RCCD1: variants seen among roughly 807,000 people sequenced by gnomAD.
RCCD1 encodes RCC1 domain-containing protein 1.
In RCCD1, 40 loss-of-function variants were observed where a neutral mutation model predicts 37.6. The observed-to-expected ratio is 1.06, with a 90% CI of 0.83 to 1.39. The LOEUF is 1.39. RCCD1 is among the 40% of genes most tolerant of loss of function. The pLI is 0.00. For synonymous variants in RCCD1, 263 were observed against 230.0 expected (o/e 1.14, Z -1.30); for missense variants, 577 against 517.3 (o/e 1.12, Z -1.12).
In RCCD1 at chr15:90,956,689, G is replaced by A. The variant is rs2037200172; in HGVS notation, c.-46G>A. 8.0e-7 allele frequency: 1 copy of A among 1,252,832 alleles called. No individual in the cohort carries two copies. Among genetic ancestry groups the A allele is most frequent in the Non-Finnish European group, 1.0e-6 (1 of 998,328 alleles). The allele number at this position is 1,252,832 out of a possible 1,614,324, so 77.6% of individuals were successfully genotyped here. ...CGGGCTCTTCGCAAGAATCCCCCCGGGCCCGCCGCAGCCAGGCGGCGGCCG... is the reference window on the plus strand; with the variant it reads ...CGGGCTCTTCGCAAGAATCCCCCCGAGCCCGCCGCAGCCAGGCGGCGGCCG... On this transcript the variant is annotated 5_prime_UTR_variant, in exon 2 of 8. Transcript: ENST00000394258.
chr15:90,957,957 C>T (rs1025152568), intron 4 of RCCD1, among the ~76,000 whole-genome samples: 2 of 152,250 alleles, frequency 1.3e-5, no homozygotes, highest in Non-Finnish European at 2.9e-5. Context: ...ACTGGTCTCA[C>T]TGCCCCTCCC....
intron 4 of RCCD1, 97 bp from the exon 5 acceptor site, chr15:90,959,803 T>G: frequency 2.1e-6 from 2 of 952,804 alleles, no homozygotes. Flanking sequence ...CAGGGCAGGC[T>G]TTAGTTGTCC....
chr15:90,958,470 A>T (rs2037246908), intron 4 of RCCD1, among the ~76,000 whole-genome samples: 1 of 152,100 alleles, frequency 6.6e-6, no homozygotes, highest in Non-Finnish European at 1.5e-5. Flanking sequence ...CTAAAAAAAA[A>T]TACAAAAATT....
chr15:90,957,593 C>A lies in RCCD1; in HGVS notation c.558-11C>A. On this transcript the variant is annotated splice_polypyrimidine_tract_variant and intron_variant, in intron 3 of 7. Coordinates refer to ENST00000394258, the MANE Select transcript of RCCD1 (RefSeq NM_001017919.2). ...ATGCGACTGTAGCTGACGACGGTCT[C>A]CCTTGCTCAGGCATGGACAGCTGGG... The A allele has an allele frequency of 1.2e-6, 2 of 1,614,020 alleles. No individual in the cohort carries two copies. Among genetic ancestry groups the A allele is most frequent in the Non-Finnish European group, 1.7e-6 (2 of 1,180,018 alleles).
Position 90,957,594 on chromosome 15 carries a change from C to A in RCCD1, c.558-10C>A. 6.2e-7 allele frequency: 1 copy of A among 1,614,008 alleles called. No homozygotes were observed. The highest frequency in any genetic ancestry group is 8.5e-7 in the Non-Finnish European group (1 of 1,180,016). On this transcript the variant is annotated splice_polypyrimidine_tract_variant and intron_variant, in intron 3 of 7. Transcript: ENST00000394258. ...TGCGACTGTAGCTGACGACGGTCTC[C>A]CTTGCTCAGGCATGGACAGCTGGGC...
Position 90,962,257 on chromosome 15 carries a change from T to C in RCCD1, c.*488T>C, listed in dbSNP as rs191934661. 1 of 154,184 alleles carries C rather than the reference T, an allele frequency of 6.5e-6. No homozygotes were observed. The highest frequency in any genetic ancestry group is 1.9e-4 in the East Asian group (1 of 5,204). The allele number at this position is 154,184 out of a possible 1,614,324, so 9.6% of individuals were successfully genotyped here. A position where few individuals can be genotyped will look rare whatever the true frequency, so the allele number is the denominator to read the frequency against. ...TTGTGTCGTTTTTGTCACTCAGCAT[T>C]GTATAATCCATCCTTGTTGGGTCCT... On this transcript the variant is annotated 3_prime_UTR_variant, in exon 8 of 8. Transcript: ENST00000394258.
In RCCD1 at chr15:90,960,454, C is replaced by G. The variant is rs61742976; in HGVS notation, c.905C>G (p.Ala302Gly). 5 of 1,612,702 alleles carry G rather than the reference C, an allele frequency of 3.1e-6. No homozygotes were observed. The Admixed American group carries it at 8.3e-5, about 27-fold the overall frequency. Reference sequence around the variant, plus strand: ...CTGGATCTCCCCATGGGCTCAGATGCAGTCAAGGCCAGCTGTGGATCCCGG... The same window carrying G: ...CTGGATCTCCCCATGGGCTCAGATGGAGTCAAGGCCAGCTGTGGATCCCGG... ...ALLDLPMGSDAVKASCGSRHT... is the reference protein window; with the variant it reads ...ALLDLPMGSDGVKASCGSRHT... The change falls in exon 6 of 8, where the codon GCA becomes GGA. Residue 302 changes from alanine to glycine, a missense_variant. Physicochemically the swap from Ala to Gly is moderately conservative, Grantham distance 60. Coordinates refer to ENST00000394258, the MANE Select transcript of RCCD1 (RefSeq NM_001017919.2).
rs777995502 is a variant in RCCD1, at chr15:90,957,254, C to T, written c.308C>T (p.Ser103Leu). 1.6e-5 allele frequency: 23 copies of T among 1,478,356 alleles called. No individual in the cohort carries two copies. In the African/African-American group the frequency reaches 3.0e-4, roughly 19 times the overall value. The allele number at this position is 1,478,356 out of a possible 1,614,324, so 91.6% of individuals were successfully genotyped here. A position where few individuals can be genotyped will look rare whatever the true frequency, so the allele number is the denominator to read the frequency against. Residue 103 changes from serine (S) to leucine (L), a missense_variant, in exon 3 of 8, where the codon TCG becomes TTG. Transcript: ENST00000394258. ...EALLQVWAAE[S>L]ALRGEPLWAQ... ...TTACTGCAGGTCTGGGCGGCCGAAT[C>T]GGCGCTGCGTGGGGAGCCATTGTGG...
Position 90,961,309 on chromosome 15 carries a change from C to CA in RCCD1, c.979+257dup, listed in dbSNP as rs1332712174. On this transcript the variant is annotated intron_variant, in intron 7 of 7. Coordinates refer to ENST00000394258, the MANE Select transcript of RCCD1 (RefSeq NM_001017919.2). ...TGAAAGACTGTCTTAAGGGAGTATCCAACCAGCACTTACAAAGCAGCTTTT... is the reference window on the plus strand; with the variant it reads ...TGAAAGACTGTCTTAAGGGAGTATCCAAACCAGCACTTACAAAGCAGCTTTT... The CA allele has an allele frequency of 5.1e-6, 3 of 586,626 alleles. No homozygotes were observed. In the Admixed American group the frequency reaches 9.2e-5, roughly 18 times the overall value. 36.3% of individuals were successfully genotyped at this position (586,626 alleles called of 1,614,324 possible). A position where few individuals can be genotyped will look rare whatever the true frequency, so the allele number is the denominator to read the frequency against.
In RCCD1 at chr15:90,957,591, C is replaced by T. The variant is rs770712004; in HGVS notation, c.558-13C>T. 1 of 1,614,008 alleles carries T rather than the reference C, an allele frequency of 6.2e-7. No homozygotes were observed. The highest frequency in any genetic ancestry group is 8.5e-7 in the Non-Finnish European group (1 of 1,180,012). ...TAATGCGACTGTAGCTGACGACGGT[C>T]TCCCTTGCTCAGGCATGGACAGCTG... On this transcript the variant is annotated splice_polypyrimidine_tract_variant and intron_variant, in intron 3 of 7. Coordinates refer to ENST00000394258, the MANE Select transcript of RCCD1 (RefSeq NM_001017919.2).
chr15:90,961,665 C>T lies in RCCD1; in HGVS notation c.1027C>T (p.Pro343Ser). 6.2e-7 allele frequency: 1 copy of T among 1,614,148 alleles called. No homozygotes were observed. Among genetic ancestry groups the T allele is most frequent in the Non-Finnish European group, 8.5e-7 (1 of 1,180,012 alleles). Residue 343 changes from proline (P) to serine (S), a missense_variant, in exon 8 of 8, where the codon CCT (proline) becomes TCT (serine). Pro to Ser is a moderately conservative substitution (Grantham distance 74, BLOSUM62 -1). Coordinates refer to ENST00000394258, the MANE Select transcript of RCCD1 (RefSeq NM_001017919.2). ...CGAGGACACCACCAGCTTGGATCGG[C>T]CTCGCCGTGTGGAATACTTTGTAGA... The part of the protein sequence containing the change: ...GHEDTTSLDR[P>S]RRVEYFVDKQ...
In RCCD1 at chr15:90,957,255, G is replaced by A. The variant is rs1003168491; in HGVS notation, c.309G>A (p.Ser103=). ...TACTGCAGGTCTGGGCGGCCGAATC[G>A]GCGCTGCGTGGGGAGCCATTGTGGG... ...EALLQVWAAE[S]ALRGEPLWAQ... Residue 103 remains serine (S), a synonymous_variant, in exon 3 of 8, where the codon TCG becomes TCA. Transcript: ENST00000394258. 1 of 1,479,032 alleles carries A rather than the reference G, an allele frequency of 6.8e-7. No homozygotes were observed. Among genetic ancestry groups the A allele is most frequent in the Non-Finnish European group, 9.0e-7 (1 of 1,111,346 alleles). 91.6% of individuals were successfully genotyped at this position (1,479,032 alleles called of 1,614,324 possible).
intron 1 of RCCD1, among the ~76,000 whole-genome samples, chr15:90,956,231 T>A (rs891893679): frequency 2.0e-5 from 3 of 152,020 alleles, no homozygotes; most frequent in African/African-American, 7.2e-5. Flanking sequence ...TGGTGGGACC[T>A]GATTTCAGCG....
At position 90,956,861 on chromosome 15, in the gene RCCD1, C is replaced by T. The variant is rs1401375118; in HGVS notation, c.127C>T (p.Arg43Cys). 3 of 1,291,156 alleles carry T rather than the reference C, an allele frequency of 2.3e-6. No individual in the cohort carries two copies. Among genetic ancestry groups the T allele is most frequent in the Middle Eastern group, 2.0e-4 (1 of 4,938 alleles). The allele number at this position is 1,291,156 out of a possible 1,614,324, so 80.0% of individuals were successfully genotyped here. A position where few individuals can be genotyped will look rare whatever the true frequency, so the allele number is the denominator to read the frequency against. Reference protein sequence around the residue: ...SPLRAGVDICRVSASWSYTAF... With the variant: ...SPLRAGVDICCVSASWSYTAF... The stretch of plus-strand genomic sequence containing the variant: ...GCTGCGGGCGGGCGTCGACATCTGC[C>T]GCGTGAGCGCGAGCTGGAGCTACAC... Residue 43 changes from arginine to cysteine, a missense_variant, in exon 2 of 8, where the codon CGC (arginine) becomes TGC (cysteine). Coordinates refer to ENST00000394258, the MANE Select transcript of RCCD1 (RefSeq NM_001017919.2).
intron 4 of RCCD1, 23 bp downstream of exon 4, chr15:90,957,748 A>G: frequency 6.3e-7 from 1 of 1,581,498 alleles, no homozygotes; most frequent in South Asian, 1.2e-5. Flanking sequence ...GTGCTTCTCC[A>G]GACGAGCTCA....
At position 90,957,594 on chromosome 15, in the gene RCCD1, C is replaced by T. The variant is rs190850866; in HGVS notation, c.558-10C>T. On this transcript the variant is annotated splice_polypyrimidine_tract_variant and intron_variant, in intron 3 of 7. Coordinates refer to ENST00000394258, the MANE Select transcript of RCCD1 (RefSeq NM_001017919.2). ...TGCGACTGTAGCTGACGACGGTCTC[C>T]CTTGCTCAGGCATGGACAGCTGGGC... 6 of 1,614,008 alleles carry T rather than the reference C, an allele frequency of 3.7e-6. No homozygotes were observed. In the East Asian group the frequency reaches 8.9e-5, roughly 24 times the overall value.
intron 1 of RCCD1, chr15:90,955,944 T>G (rs1344916665): frequency 6.6e-6 from 1 of 152,126 alleles, no homozygotes; most frequent in African/African-American, 2.4e-5. Flanking sequence ...CAGGGATAAT[T>G]TTTTTGTCAA....
chr15:90,960,126 C>T, intron 5 of RCCD1, 128 bp downstream of exon 5: 1 of 939,312 alleles, frequency 1.1e-6, no homozygotes, highest in Non-Finnish European at 1.6e-6. Context: ...TGGGAGGGAG[C>T]ATTGGCAAGG....
chr15:90,961,489 GT>G, intron 7 of RCCD1, 128 bp from the exon 8 acceptor site: 1 of 1,131,644 alleles, frequency 8.8e-7, no homozygotes, highest in Non-Finnish European at 1.2e-6. Flanking sequence ...CTGGCTCTGG[GT>G]CTCTTGGATT....
Sources: allele counts gnomAD v4.1 joint callset (sites outside exome capture counted in the v4.1 genomes callset), GRCh38; gene constraint gnomAD v4.1.1; transcripts MANE v1.5; gene names NCBI Gene and HGNC (gene_info 2026-07-23, HGNC 2026-07-21).